DNAH1: variants seen among roughly 807,000 people sequenced by gnomAD.
The protein encoded by DNAH1 is axonemal beta dynein heavy chain 1.
A neutral mutation model predicts 484.3 loss-of-function variants in DNAH1; 327 were observed. That is an observed-to-expected ratio of 0.68 (90% CI 0.62 to 0.74). The LOEUF (loss-of-function observed/expected upper bound fraction) is 0.74. Among genes scored for constraint, DNAH1 ranks in the 30% least tolerant of loss-of-function variants. The pLI is 0.00. For missense variants in DNAH1, 5,052 were observed against 5,546.8 expected, an observed-to-expected ratio of 0.91 and a Z score of 2.83; for synonymous variants, 2,192 against 2,191.9, an observed-to-expected ratio of 1.00 and a Z score of 0.00.
chr3:52,374,391 G>T lies in DNAH1; in HGVS notation c.6986-849G>T. The T allele has an allele frequency of 2.2e-6, 3 of 1,359,932 alleles. No individual in the cohort carries two copies. The East Asian group carries it at 6.9e-5, about 31-fold the overall frequency. 84.2% of individuals were successfully genotyped at this position (1,359,932 alleles called of 1,614,324 possible). A position where few individuals can be genotyped will look rare whatever the true frequency, so the allele number is the denominator to read the frequency against. On this transcript the variant is annotated intron_variant, in intron 44 of 77. Transcript: ENST00000420323. ...CTGTGGAGTGCAGTTTTTAGAAAAGGACAGCACCCCCACAGAACCAGTGGT... is the reference window on the plus strand; with the variant it reads ...CTGTGGAGTGCAGTTTTTAGAAAAGTACAGCACCCCCACAGAACCAGTGGT...
chr3:52,342,809 T>A (rs1276813733), intron 8 of DNAH1, among the ~76,000 whole-genome samples: 1 of 152,184 alleles, frequency 6.6e-6, no homozygotes, highest in Non-Finnish European at 1.5e-5. Context: ...ACATGCTGGT[T>A]CTGACACGTT....
chr3:52,360,282 G>A (rs757289834), intron 27 of DNAH1, 29 bp from the exon 28 acceptor site: 1 of 1,598,852 alleles, frequency 6.3e-7, no homozygotes, highest in South Asian at 1.1e-5. Context: ...TTGCCCCATG[G>A]CCAGGCCCTC....
chr3:52,345,995 C>T (rs1310505408), intron 10 of DNAH1, among the ~76,000 whole-genome samples: 2 of 152,184 alleles, frequency 1.3e-5, no homozygotes, highest in Non-Finnish European at 2.9e-5. Flanking sequence ...GATCCCTTGT[C>T]TTAGAAGGGG....
chr3:52,389,260 G>A (rs961517303), intron 59 of DNAH1, among the ~76,000 whole-genome samples: 6 of 152,226 alleles, frequency 3.9e-5, no homozygotes, highest in African/African-American at 1.2e-4. Context: ...GGCAGGCATC[G>A]TTAGCTTTGC....
rs1223067205 is a variant in DNAH1 at position 52,361,371 on chromosome 3, G to A, written c.4874+19G>A. 35 of 1,550,980 alleles carry A rather than the reference G, an allele frequency of 2.3e-5. No individual in the cohort carries two copies. The highest frequency in any genetic ancestry group is 1.7e-4 in the Middle Eastern group (1 of 5,908). On this transcript the variant is annotated intron_variant, in intron 29 of 77. Coordinates refer to ENST00000420323, the MANE Select transcript of DNAH1 (RefSeq NM_015512.5). This position sits in a 1 kb window ranked among gnomAD's most constrained non-coding sequence, Gnocchi z 5.6. ...TGGCCAGGTGAGGCTGGGCATGAGC[G>A]TGGCACAGGATGGGGTGGGACAGCC... is the stretch of plus-strand genomic sequence containing the variant.
chr3:52,378,846 A>G, intron 47 of DNAH1, 66 bp downstream of exon 47: 2 of 1,586,740 alleles, frequency 1.3e-6, no homozygotes, highest in African/African-American at 2.7e-5. Context: ...CAGCCCCACC[A>G]ATTTCAGGCC....
Position 52,369,905 on chromosome 3 carries a change from G to A in DNAH1, c.6024G>A (p.Leu2008=), listed in dbSNP as rs1703252661. The change falls in exon 38 of 78, where the codon CTG becomes CTA. Residue 2008 remains leucine, a synonymous_variant. Coordinates refer to ENST00000420323, the MANE Select transcript of DNAH1 (RefSeq NM_015512.5). The part of the protein sequence containing the change: ...ATVSRCGMVY[L]EPSILGLMPF... ...TCTCCCGCTGTGGCATGGTGTACCTGGAGCCCAGCATCCTGGGGCTCATGC... is the reference window on the plus strand; with the variant it reads ...TCTCCCGCTGTGGCATGGTGTACCTAGAGCCCAGCATCCTGGGGCTCATGC... The A allele has an allele frequency of 1.2e-6, 2 of 1,613,878 alleles. No homozygotes were observed. Among genetic ancestry groups the A allele is most frequent in the East Asian group, 2.2e-5 (1 of 44,902 alleles).
At chr3:52,321,177 C>A (rs1701134561) in intron 1 of DNAH1, among the ~76,000 whole-genome samples, 1 of 150,628 alleles carries the variant, frequency 6.6e-6, no homozygotes, top group Non-Finnish European at 1.5e-5. Context: ...GGTGCAATGG[C>A]GCGATCTGAG....
At position 52,351,426 on chromosome 3, in the gene DNAH1, C is replaced by T. The variant is rs1282714634; in HGVS notation, c.2730-536C>T. 2.6e-5 allele frequency among the ~76,000 whole-genome samples: 4 copies of T among 152,358 alleles called. No homozygotes were observed. The East Asian group carries it at 7.7e-4, about 29-fold the overall frequency. On this transcript the variant is annotated intron_variant, in intron 16 of 77. Transcript: ENST00000420323. ...CAGGGCCCTGCCCAGGAGAGGGAGA[C>T]ACTGGCAGACAGGGCATCTGGGTGC...
At position 52,326,133 on chromosome 3, in the gene DNAH1, C is replaced by T. The variant is rs779575654; in HGVS notation, c.407-7C>T. 4.4e-6 allele frequency: 7 copies of T among 1,581,296 alleles called. No homozygotes were observed. Among genetic ancestry groups the T allele is most frequent in the Admixed American group, 3.5e-5 (2 of 57,102 alleles). On this transcript the variant is annotated splice_polypyrimidine_tract_variant and splice_region_variant and intron_variant, in intron 3 of 77. Transcript: ENST00000420323. ...CCTGAAGCCCCTGCCCCTGCTTCTA[C>T]CTGCAGTCGGAAGCTTTGAGGTTCC...
At chr3:52,354,403 C>T (rs1326813786) in intron 20 of DNAH1, among the ~76,000 whole-genome samples, 5 of 152,146 alleles carry the variant, frequency 3.3e-5, no homozygotes, top group Non-Finnish European at 7.4e-5. Context: ...GAGGCCGAGG[C>T]GGGTGGATCA....
chr3:52,351,702 C>T (rs1702387048), intron 16 of DNAH1, among the ~76,000 whole-genome samples: 1 of 152,220 alleles, frequency 6.6e-6, no homozygotes, highest in Admixed American at 6.5e-5. Flanking sequence ...ACACTGGGCA[C>T]CTTGGGTCTG....
chr3:52,324,838 A>G (rs913031443), intron 3 of DNAH1, among the ~76,000 whole-genome samples: 2 of 152,050 alleles, frequency 1.3e-5, no homozygotes, highest in Non-Finnish European at 2.9e-5. Context: ...AGCTCTACCC[A>G]CATGAGAAAA....
At chr3:52,374,449 A>G (rs1271389003) in intron 44 of DNAH1, 3 of 1,339,444 alleles carry the variant, frequency 2.2e-6, no homozygotes, top group Non-Finnish European at 3.2e-6. Context: ...CCAAAGACTC[A>G]CAGTCCAAAA....
upstream of DNAH1, among the ~76,000 whole-genome samples, chr3:52,315,946 T>G (rs1700934701): frequency 6.6e-6 from 1 of 152,236 alleles, no homozygotes; most frequent in Non-Finnish European, 1.5e-5. Context: ...GAAGTGGAGC[T>G]GGCAGGGCTG....
chr3:52,383,974 C>G lies in DNAH1; in HGVS notation c.8265C>G (p.Thr2755=). 2 of 1,611,486 alleles carry G rather than the reference C, an allele frequency of 1.2e-6. No homozygotes were observed. The highest frequency in any genetic ancestry group is 1.3e-5 in the African/African-American group (1 of 74,994). The change falls in exon 52 of 78, where the codon ACC becomes ACG. Residue 2755 remains threonine (T), a synonymous_variant. Transcript: ENST00000420323. ...CAGAAGCCCTGAAGTCTGTGGCCACCGTGTTCCTCAATGAGATCCCAGAAC... is the reference window on the plus strand; with the variant it reads ...CAGAAGCCCTGAAGTCTGTGGCCACGGTGTTCCTCAATGAGATCCCAGAAC... The part of the protein sequence containing the change: ...WPAEALKSVA[T]VFLNEIPELE...
chr3:52,320,753 C>T (rs1042228298), intron 1 of DNAH1, among the ~76,000 whole-genome samples: 1 of 151,506 alleles, frequency 6.6e-6, no homozygotes, highest in Non-Finnish European at 1.5e-5. Flanking sequence ...TTGGGCTAGG[C>T]CTCTATTTCC....
chr3:52,342,911 A>G (rs540983614), intron 8 of DNAH1, among the ~76,000 whole-genome samples: 32 of 152,200 alleles, frequency 2.1e-4, no homozygotes, highest in Non-Finnish European at 4.3e-4. Context: ...TGAATAGAAC[A>G]GGTGGTGTTC....
chr3:52,323,953 C>T (rs1053025396), intron 3 of DNAH1, 73 bp downstream of exon 3: 9 of 1,224,028 alleles, frequency 7.4e-6, no homozygotes, highest in Non-Finnish European at 1.0e-5. Flanking sequence ...CTCAGGGAGA[C>T]AGCCTTTTCT....
Sources: gnomAD v4.1 joint callset for allele counts (sites outside exome capture counted in the v4.1 genomes callset) on GRCh38, gnomAD v4.1.1 for gene constraint, Gnocchi (gnomAD v3.1) non-coding constraint, MANE v1.5 for transcripts, NCBI Gene and HGNC (gene_info 2026-07-23, HGNC 2026-07-21) for gene names.